TMEM178B: variants seen among roughly 807,000 people sequenced by gnomAD.
TMEM178B encodes transmembrane protein 178B.
TMEM178B carries 5 observed loss-of-function variants against 31.0 expected under a neutral mutation model. That is an observed-to-expected ratio of 0.16 (90% confidence interval 0.08 to 0.34). The LOEUF is 0.34. Among genes scored for constraint, TMEM178B ranks in the 10% least tolerant of loss-of-function variants. The pLI is 1.00. For synonymous variants in TMEM178B, 164 were observed against 164.0 expected (o/e 1.00, Z 0.00); for missense variants, 275 against 400.3 (o/e 0.69, Z 2.67).
At chr7:141,313,219 G>A (rs1053111859) in intron 2 of TMEM178B, among the ~76,000 whole-genome samples, 1 of 152,212 alleles carries the variant, frequency 6.6e-6, no homozygotes, top group African/African-American at 2.4e-5. Flanking sequence ...GGGAAAGAAT[G>A]TTTGCAGTTG....
At chr7:141,346,309 G>T (rs1254810770) in intron 2 of TMEM178B, among the ~76,000 whole-genome samples, 2 of 152,204 alleles carry the variant, frequency 1.3e-5, no homozygotes, top group Admixed American at 6.5e-5. Flanking sequence ...TCATGCTATA[G>T]AAAATTGGAT....
chr7:141,135,151 T>A (rs546706202), intron 1 of TMEM178B, among the ~76,000 whole-genome samples: 1 of 152,302 alleles, frequency 6.6e-6, no homozygotes, highest in South Asian at 2.1e-4. Flanking sequence ...TATATAATGA[T>A]GAAGGTATCA....
chr7:141,343,236 G>A (rs1157040213), intron 2 of TMEM178B, among the ~76,000 whole-genome samples: 1 of 152,196 alleles, frequency 6.6e-6, no homozygotes, highest in East Asian at 1.9e-4. Context: ...GTATGACAAA[G>A]CCATGCACAG....
intron 2 of TMEM178B, among the ~76,000 whole-genome samples, chr7:141,219,031 G>C (rs1390172239): frequency 1.3e-5 from 2 of 152,154 alleles, no homozygotes; most frequent in Non-Finnish European, 2.9e-5. Context: ...TGGACCAAAG[G>C]GCTTGGGATG....
chr7:141,319,941 T>C (rs569219263), intron 2 of TMEM178B, among the ~76,000 whole-genome samples: 1 of 152,338 alleles, frequency 6.6e-6, no homozygotes, highest in Middle Eastern at 3.4e-3. Flanking sequence ...GTGGTTGATA[T>C]GATATGGTTT....
intron 2 of TMEM178B, among the ~76,000 whole-genome samples, chr7:141,324,435 T>G (rs1048214349): frequency 8.0e-4 from 98 of 122,874 alleles, no homozygotes; most frequent in East Asian, 1.4e-3. Context: ...TTTTTTTTTT[T>G]TTTTTTTTTT....
At chr7:141,503,952 G>A in the TMEM178B span, among the ~76,000 whole-genome samples, 1 of 152,182 alleles carries the variant, frequency 6.6e-6, no homozygotes, top group Non-Finnish European at 1.5e-5. Context: ...ACAAAACCCA[G>A]ACTTCAACTG....
intron 2 of TMEM178B, among the ~76,000 whole-genome samples, chr7:141,339,800 G>A (rs993635856): frequency 6.6e-6 from 1 of 152,232 alleles, no homozygotes; most frequent in African/African-American, 2.4e-5. Flanking sequence ...GACTGCCCTG[G>A]AGGCAATGGG....
intron 1 of TMEM178B, among the ~76,000 whole-genome samples, chr7:141,129,320 A>G (rs1337181451): frequency 1.3e-5 from 2 of 152,244 alleles, no homozygotes; most frequent in African/African-American, 4.8e-5. Flanking sequence ...AGAAATATTC[A>G]TATTCCCATA....
At chr7:141,088,125 C>T (rs1272991438) in intron 1 of TMEM178B, among the ~76,000 whole-genome samples, 1 of 152,058 alleles carries the variant, frequency 6.6e-6, no homozygotes, top group Non-Finnish European at 1.5e-5. Flanking sequence ...AGGTGAATGA[C>T]CTTCCACTTT....
chr7:141,104,860 C>G (rs1795116359), intron 1 of TMEM178B, among the ~76,000 whole-genome samples: 1 of 152,096 alleles, frequency 6.6e-6, no homozygotes, highest in Admixed American at 6.5e-5. Flanking sequence ...CTGGTTTTAC[C>G]TTAACTACCT....
intron 1 of TMEM178B, among the ~76,000 whole-genome samples, chr7:141,101,152 C>A (rs1401232668): frequency 2.0e-5 from 3 of 152,120 alleles, no homozygotes; most frequent in Admixed American, 2.0e-4. Context: ...AGATAAGCCA[C>A]CAAATTCAGA....
At chr7:141,105,595 A>G (rs1260267532) in intron 1 of TMEM178B, among the ~76,000 whole-genome samples, 4 of 152,224 alleles carry the variant, frequency 2.6e-5, no homozygotes, top group African/African-American at 9.6e-5. Flanking sequence ...CATTTTCATT[A>G]AAAGCACTCT....
At chr7:141,510,709 A>AAAAAAG in the TMEM178B span, among the ~76,000 whole-genome samples, 2 of 134,954 alleles carry the variant, frequency 1.5e-5, no homozygotes, top group African/African-American at 6.9e-5. Context: ...AAAAAAAAAA[A>AAAAAAG]AAAGAAAAAA....
chr7:141,264,605 TG>T (rs1211649688), intron 2 of TMEM178B, among the ~76,000 whole-genome samples: 2 of 152,198 alleles, frequency 1.3e-5, no homozygotes, highest in African/African-American at 4.8e-5. Context: ...CCAGTGGATT[TG>T]TTGGTAAGTG....
intron 1 of TMEM178B, among the ~76,000 whole-genome samples, chr7:141,104,920 T>C (rs960601141): frequency 4.6e-5 from 7 of 152,162 alleles, no homozygotes; most frequent in Non-Finnish European, 8.8e-5. Flanking sequence ...GGGGTAGGGG[T>C]TCAACATGGG....
intron 2 of TMEM178B, among the ~76,000 whole-genome samples, chr7:141,255,324 G>A (rs989608301): frequency 6.6e-5 from 10 of 152,236 alleles, no homozygotes; most frequent in East Asian, 1.9e-4. Flanking sequence ...AGGAACAAGC[G>A]TACTTTGCAT....
chr7:141,214,247 A>G (rs529882533), intron 2 of TMEM178B, among the ~76,000 whole-genome samples: 2 of 152,356 alleles, frequency 1.3e-5, no homozygotes, highest in East Asian at 1.9e-4. Context: ...AACTTAAGTT[A>G]TGGGGGTCGT....
intron 2 of TMEM178B, among the ~76,000 whole-genome samples, chr7:141,252,711 C>T (rs1322712804): frequency 6.6e-6 from 1 of 152,202 alleles, no homozygotes; most frequent in Non-Finnish European, 1.5e-5. Flanking sequence ...TACATAACTC[C>T]TGGATGAAAT....
Sources: allele counts gnomAD v4.1 joint callset (sites outside exome capture counted in the v4.1 genomes callset), GRCh38; gene constraint gnomAD v4.1.1; transcripts MANE v1.5; gene names NCBI Gene and HGNC (gene_info 2026-07-23, HGNC 2026-07-21).